ADGRG7: variants seen among roughly 807,000 people sequenced by gnomAD.
ADGRG7 encodes the protein adhesion G protein-coupled receptor G7, also known as G-protein coupled receptor 128.
Under a neutral mutation model 88.6 loss-of-function variants are expected in ADGRG7, and 82 were observed. The observed-to-expected ratio is 0.93, with a 90% confidence interval of 0.77 to 1.11. The LOEUF (loss-of-function observed/expected upper bound fraction) is 1.11, where lower values mean the gene tolerates loss of function less well. Ranked by LOEUF, ADGRG7 falls within the 50% of genes most tolerant of loss-of-function variation. The pLI, the probability that ADGRG7 is intolerant of heterozygous loss-of-function variation, is 0.00. For synonymous variants in ADGRG7, 381 were observed against 345.2 expected (o/e 1.10, Z -1.15); for missense variants, 945 against 953.4 (o/e 0.99, Z 0.12).
chr3:100,633,898 A>G (rs1707492878), intron 4 of ADGRG7, among the ~76,000 whole-genome samples: 2 of 152,176 alleles, frequency 1.3e-5, no homozygotes, highest in South Asian at 4.1e-4. Context: ...ATTTCAGCAA[A>G]TGATGATCAA....
intron 15 of ADGRG7, among the ~76,000 whole-genome samples, chr3:100,689,503 T>G (rs2094989364): frequency 6.6e-6 from 1 of 152,246 alleles, no homozygotes; most frequent in South Asian, 2.1e-4. Flanking sequence ...GTTTTTGCAG[T>G]GGCTGGTACC....
In ADGRG7 at chr3:100,665,102, G is replaced by A. The variant is rs7649541; in HGVS notation, c.1980-3847G>A. 2.7e-3 allele frequency: 1,386 copies of A among 516,016 alleles called. 18 individuals are homozygous for A. Among genetic ancestry groups the A allele is most frequent in the African/African-American group, 0.024 (1,238 of 51,414 alleles). The allele number at this position is 516,016 out of a possible 1,614,324, so 32.0% of individuals were successfully genotyped here. On this transcript the variant is annotated intron_variant, in intron 14 of 15. Transcript: ENST00000273352. ...TAACCATTCTTCAGTCAGTTCTTCC[G>A]TATTTCTTATTTCAAATATCTTGGT... is the stretch of plus-strand genomic sequence containing the variant.
At chr3:100,646,281 C>T (rs1441358557) in intron 9 of ADGRG7, 173 bp downstream of exon 9, 3 of 644,452 alleles carry the variant, frequency 4.7e-6, no homozygotes, top group Non-Finnish European at 7.8e-6. Context: ...ATAGCAAAAG[C>T]AGGGATATGT....
At chr3:100,693,780 T>A (rs769051830) in intron 15 of ADGRG7, among the ~76,000 whole-genome samples, 1 of 152,190 alleles carries the variant, frequency 6.6e-6, no homozygotes, top group Non-Finnish European at 1.5e-5. Flanking sequence ...TAGTATACTG[T>A]CAAAATCAAG....
At position 100,655,995 on chromosome 3, in the gene ADGRG7, T is replaced by C. The variant is rs754021944; in HGVS notation, c.1823T>C (p.Ile608Thr). 3 of 1,585,052 alleles carry C rather than the reference T, an allele frequency of 1.9e-6. No homozygotes were observed. The highest frequency in any genetic ancestry group is 2.6e-6 in the Non-Finnish European group (3 of 1,154,142). Residue 608 changes from isoleucine to threonine, a missense_variant and splice_region_variant, in exon 13 of 16, where the codon ATC becomes ACC. By Grantham distance (89) the Ile-to-Thr change is moderately conservative (BLOSUM62 -1). Transcript: ENST00000273352. The part of the protein sequence containing the change: ...QWELDYRQEK[I>T]CWLAIPEPNG... ...GAATTAGACTACCGGCAAGAGAAAA[T>C]GTGAGTTTATATTTTTTTAAATGTC...
chr3:100,670,000 T>G (rs1041524452), intron 15 of ADGRG7, among the ~76,000 whole-genome samples: 1 of 151,552 alleles, frequency 6.6e-6, no homozygotes. Flanking sequence ...ATCACACCAC[T>G]GCACTTCAGC....
intron 15 of ADGRG7, among the ~76,000 whole-genome samples, chr3:100,669,992 C>G (rs1355906476): frequency 6.6e-6 from 1 of 152,062 alleles, no homozygotes; most frequent in Non-Finnish European, 1.5e-5. Context: ...GAGCTGAGAT[C>G]ACACCACTGC....
In ADGRG7 at chr3:100,625,892, G is replaced by A. The variant is rs145741543; in HGVS notation, c.116-3706G>A. Among the ~76,000 whole-genome samples, 1,064 of 152,326 alleles carry A rather than the reference G, an allele frequency of 7.0e-3. 9 individuals are homozygous for A. The highest frequency in any genetic ancestry group is 0.013 in the African/African-American group (540 of 41,568). ...TAGGGATGAAGCCAACTTGATCGTG[G>A]TGGATAAGCTTTTTGATGTGCTGCT... On this transcript the variant is annotated intron_variant, in intron 1 of 15. Coordinates refer to ENST00000273352, the MANE Select transcript of ADGRG7 (RefSeq NM_032787.3).
At chr3:100,689,530 AT>A in intron 15 of ADGRG7, among the ~76,000 whole-genome samples, 1 of 152,060 alleles carries the variant, frequency 6.6e-6, no homozygotes, top group Non-Finnish European at 1.5e-5. Context: ...TCCTTTCCAT[AT>A]TTAGTGCTTC....
At chr3:100,660,928 G>A (rs1277551167) in intron 14 of ADGRG7, among the ~76,000 whole-genome samples, 1 of 150,338 alleles carries the variant, frequency 6.7e-6, no homozygotes, top group Non-Finnish European at 1.5e-5. Flanking sequence ...CTCCAGCCTG[G>A]GCAACAAGAG....
intron 1 of ADGRG7, among the ~76,000 whole-genome samples, chr3:100,628,980 A>G (rs908943623): frequency 2.6e-5 from 4 of 152,130 alleles, no homozygotes; most frequent in Non-Finnish European, 2.9e-5. Context: ...TTTGGTTTAT[A>G]AAGTCCCTTC....
chr3:100,685,022 CTG>C (rs1160525242), intron 15 of ADGRG7, among the ~76,000 whole-genome samples: 6 of 151,758 alleles, frequency 4.0e-5, no homozygotes, highest in Non-Finnish European at 5.9e-5. Context: ...ATTATATTAA[CTG>C]TATTTTCTTA....
chr3:100,624,850 G>GTTATTTC (rs1266783683), intron 1 of ADGRG7, among the ~76,000 whole-genome samples: 1 of 152,074 alleles, frequency 6.6e-6, no homozygotes, highest in African/African-American at 2.4e-5. Flanking sequence ...GTTTGTAGAT[G>GTTATTTC]TGTGGTGTTA....
intron 11 of ADGRG7, among the ~76,000 whole-genome samples, chr3:100,653,264 A>G (rs944909710): frequency 2.0e-5 from 3 of 152,246 alleles, no homozygotes; most frequent in Non-Finnish European, 4.4e-5. Context: ...TTAAATCTTC[A>G]TGTAAGCTTC....
intron 1 of ADGRG7, among the ~76,000 whole-genome samples, chr3:100,628,261 T>A (rs899804424): frequency 6.6e-6 from 1 of 151,888 alleles, no homozygotes; most frequent in Non-Finnish European, 1.5e-5. Flanking sequence ...TTCAAGTAGT[T>A]TTTTTTTTAA....
intron 1 of ADGRG7, among the ~76,000 whole-genome samples, chr3:100,622,264 A>ATTTTTTTTTTTTTTTTTTTTTTTTTTT (rs57699713): frequency 7.6e-6 from 1 of 130,912 alleles, no homozygotes; most frequent in East Asian, 2.2e-4. Context: ...CTCTATATTC[A>ATTTTTTTTTTTTTTTTTTTTTTTTTTT]TTTTTTTTTT....
At position 100,694,917 on chromosome 3, in the gene ADGRG7, T is replaced by A; in HGVS notation, c.2310T>A (p.His770Gln). The A allele has an allele frequency of 1.2e-6, 2 of 1,614,168 alleles. No homozygotes were observed. Among genetic ancestry groups the A allele is most frequent in the Non-Finnish European group, 1.7e-6 (2 of 1,180,018 alleles). ...TCCTCAGGTCATTGCCAACCTTACA[T>A]GAACGCTTTAGGCTACTGGAAACCT... ...YNFLRSLPTL[H>Q]ERFRLLETSP... Residue 770 changes from histidine to glutamine, a missense_variant, in exon 16 of 16, where the codon CAT becomes CAA. Physicochemically the swap from His to Gln is conservative, Grantham distance 24. Transcript: ENST00000273352.
At chr3:100,694,669 A>C (rs1392365046) in intron 15 of ADGRG7, 75 bp from the exon 16 acceptor site, 4 of 1,353,910 alleles carry the variant, frequency 3.0e-6, no homozygotes, top group South Asian at 2.7e-5. Context: ...GTTGGGTGGC[A>C]GAGTGAAATA....
chr3:100,638,062 T>C (rs113033826), intron 6 of ADGRG7, among the ~76,000 whole-genome samples: 2 of 152,324 alleles, frequency 1.3e-5, no homozygotes, highest in Non-Finnish European at 1.5e-5. Flanking sequence ...CATGTTACAA[T>C]GCTCTCTTAG....
Sources: allele counts gnomAD v4.1 joint callset (sites outside exome capture counted in the v4.1 genomes callset), GRCh38; gene constraint gnomAD v4.1.1; transcripts MANE v1.5; gene names NCBI Gene and HGNC (gene_info 2026-07-23, HGNC 2026-07-21).